Variants in ANKS1A observed in about 807,000 individuals in gnomAD.
ANKS1A encodes the protein ankyrin repeat and SAM domain-containing protein 1A.
ANKS1A carries 55 observed loss-of-function variants against 120.3 expected under a neutral mutation model. The ratio of observed to expected loss-of-function variants is 0.46; its 90% confidence interval spans 0.37 to 0.57. The LOEUF (loss-of-function observed/expected upper bound fraction) is 0.57, where lower values mean the gene tolerates loss of function less well. Ranked by LOEUF, ANKS1A falls within the 20% of genes least tolerant of loss-of-function variation. The pLI, the probability that ANKS1A is intolerant of heterozygous loss-of-function variation, is 0.00. For synonymous variants in ANKS1A, 590 were observed against 604.7 expected (o/e 0.98, Z 0.36); for missense variants, 1,123 against 1,480.3 (o/e 0.76, Z 3.96).
At chr6:35,007,526 T>A (rs1773526952) in intron 10 of ANKS1A, among the ~76,000 whole-genome samples, 2 of 152,248 alleles carry the variant, frequency 1.3e-5, no homozygotes, top group Admixed American at 6.5e-5. Context: ...TGTTTAACTC[T>A]TTGCTCGCTG....
At chr6:34,991,822 G>A (rs1481735565) in intron 9 of ANKS1A, among the ~76,000 whole-genome samples, 1 of 136,358 alleles carries the variant, frequency 7.3e-6, no homozygotes, top group Non-Finnish European at 1.6e-5. Flanking sequence ...ATATATATAT[G>A]GCTTTGATTT....
intron 1 of ANKS1A, among the ~76,000 whole-genome samples, chr6:34,936,975 C>T (rs1357391511): frequency 2.6e-5 from 4 of 152,164 alleles, no homozygotes; most frequent in African/African-American, 9.7e-5. Flanking sequence ...GGACCTTGAT[C>T]TCAAGAGGCT....
chr6:35,075,986 C>A (rs1294639986), intron 13 of ANKS1A, among the ~76,000 whole-genome samples: 1 of 152,196 alleles, frequency 6.6e-6, no homozygotes, highest in Non-Finnish European at 1.5e-5. Context: ...CCTCAAACTC[C>A]TGGGCTCAAG....
intron 11 of ANKS1A, among the ~76,000 whole-genome samples, chr6:35,029,057 T>TTA (rs942150648): frequency 1.3e-5 from 2 of 151,994 alleles, no homozygotes; most frequent in Non-Finnish European, 2.9e-5. Flanking sequence ...TAATGTTATC[T>TTA]TATCTTGGGT....
At chr6:35,088,539 T>C in intron 23 of ANKS1A, 67 bp from the exon 24 acceptor site, 1 of 1,598,120 alleles carries the variant, frequency 6.3e-7, no homozygotes, top group Non-Finnish European at 8.6e-7. Flanking sequence ...TTCCTTTCCA[T>C]TTCCTCCACC....
Position 35,083,199 on chromosome 6 carries a change from C to A in ANKS1A, c.2880C>A (p.Ser960=). ...TCAAAGATCTGCGAGGGACAGAATC[C>A]ACGCAAGACGCCTGTGCCAAGATGC... ...MLIKDLRGTE[S]TQDACAKMRK... is the part of the protein sequence containing the mutation. The change falls in exon 19 of 24, where the codon TCC becomes TCA. Residue 960 remains serine (S), a synonymous_variant. Transcript: ENST00000360359. 1 of 1,614,126 alleles carries A rather than the reference C, an allele frequency of 6.2e-7. No individual in the cohort carries two copies. The highest frequency in any genetic ancestry group is 1.1e-5 in the South Asian group (1 of 91,068).
chr6:34,982,128 A>G lies in ANKS1A; in HGVS notation c.732+142A>G. The G allele has an allele frequency of 3.8e-6, 4 of 1,062,826 alleles. No individual in the cohort carries two copies. Among genetic ancestry groups the G allele is most frequent in the Non-Finnish European group, 5.3e-6 (4 of 753,726 alleles). The allele number at this position is 1,062,826 out of a possible 1,614,324, so 65.8% of individuals were successfully genotyped here. On this transcript the variant is annotated intron_variant, in intron 4 of 23. Transcript: ENST00000360359. This position sits in a 1 kb window ranked among gnomAD's most constrained non-coding sequence, Gnocchi z 4.9. ...AAATGCTTATTTGCCGACTCATTCT[A>G]ATGTGACACTAAGAAACAAATGAAC...
rs1776413560 is a variant in ANKS1A at position 35,060,095 on chromosome 6, C to T, written c.2078-52C>T. 1.9e-5 allele frequency: 28 copies of T among 1,478,746 alleles called. No individual in the cohort carries two copies. Among genetic ancestry groups the T allele is most frequent in the South Asian group, 2.4e-5 (2 of 84,416 alleles). 91.6% of individuals were successfully genotyped at this position (1,478,746 alleles called of 1,614,324 possible). Reference sequence around the variant, plus strand: ...ATCTTCCTCTGAGTGCCGCTGCTACCGCCTTAATGGTTTTTCCCTTTTCAA... The same window carrying T: ...ATCTTCCTCTGAGTGCCGCTGCTACTGCCTTAATGGTTTTTCCCTTTTCAA... On this transcript the variant is annotated intron_variant, in intron 12 of 23. Transcript: ENST00000360359. This position sits in a 1 kb window ranked among gnomAD's most constrained non-coding sequence, Gnocchi z 4.5.
At chr6:34,912,821 T>C (rs1460411818) in intron 1 of ANKS1A, among the ~76,000 whole-genome samples, 1 of 152,148 alleles carries the variant, frequency 6.6e-6, no homozygotes, top group Non-Finnish European at 1.5e-5. Context: ...TGACTGGCTT[T>C]TGTGTATTTG....
chr6:34,905,622 C>G (rs1767614462), intron 1 of ANKS1A, among the ~76,000 whole-genome samples: 1 of 152,200 alleles, frequency 6.6e-6, no homozygotes, highest in Non-Finnish European at 1.5e-5. Flanking sequence ...TAAGAGAGAG[C>G]TTAACTGACT....
intron 11 of ANKS1A, among the ~76,000 whole-genome samples, chr6:35,022,125 G>A (rs1460274297): frequency 1.3e-5 from 2 of 152,176 alleles, no homozygotes; most frequent in African/African-American, 4.8e-5. Context: ...GCAGGGATGG[G>A]AGAGCCCACC....
chr6:35,082,847 G>A lies in ANKS1A; in HGVS notation c.2835+31G>A, dbSNP rs367940164. ...TTGCTCCCACCCTCCCAGCAGGGCC[G>A]GCCTCCCTGCTCCTTCTCGGCCAGG... On this transcript the variant is annotated intron_variant, in intron 18 of 23. Transcript: ENST00000360359. The surrounding 1 kb of genome is among the most constrained non-coding windows in gnomAD (Gnocchi z 4.1). 41 of 1,596,652 alleles carry A rather than the reference G, an allele frequency of 2.6e-5. No homozygotes were observed. The highest frequency in any genetic ancestry group is 3.0e-5 in the Non-Finnish European group (35 of 1,171,468).
chr6:35,059,288 C>T (rs182585121), intron 12 of ANKS1A, among the ~76,000 whole-genome samples: 34 of 152,362 alleles, frequency 2.2e-4, no homozygotes, highest in Non-Finnish European at 1.5e-5. Context: ...GGATCGGGCT[C>T]CTGGCCCACT....
intron 10 of ANKS1A, among the ~76,000 whole-genome samples, chr6:35,006,135 C>T (rs1188323525): frequency 1.3e-5 from 2 of 148,964 alleles, no homozygotes; most frequent in South Asian, 2.1e-4. Flanking sequence ...TTGCAGTGAG[C>T]CAAGATCACT....
At chr6:35,000,559 ATAAAT>A (rs889378437) in intron 10 of ANKS1A, among the ~76,000 whole-genome samples, 8 of 152,274 alleles carry the variant, frequency 5.3e-5, no homozygotes, top group African/African-American at 1.2e-4. Context: ...TTGTCCTGAA[ATAAAT>A]TAACCGGTTG....
intron 1 of ANKS1A, among the ~76,000 whole-genome samples, chr6:34,931,828 A>T (rs1198739590): frequency 1.3e-5 from 2 of 152,228 alleles, no homozygotes; most frequent in African/African-American, 4.8e-5. Context: ...TCTGTGAAGG[A>T]CACTTGCAGA....
intron 1 of ANKS1A, among the ~76,000 whole-genome samples, chr6:34,906,923 A>T (rs376007037): frequency 1.3e-5 from 2 of 152,146 alleles, no homozygotes; most frequent in African/African-American, 4.8e-5. Context: ...ATAGTGGGAA[A>T]ATCTGGTAGC....
intron 14 of ANKS1A, 36 bp downstream of exon 14, chr6:35,078,692 G>A (rs369352848): frequency 3.7e-5 from 58 of 1,588,376 alleles, no homozygotes; most frequent in Middle Eastern, 3.3e-4. Flanking sequence ...CAGCCCGTGC[G>A]GAGCCAGGGC....
chr6:34,917,737 C>T (rs1225170898), intron 1 of ANKS1A, among the ~76,000 whole-genome samples: 2 of 152,174 alleles, frequency 1.3e-5, no homozygotes, highest in Non-Finnish European at 2.9e-5. Flanking sequence ...GACCTAAGAC[C>T]CGAAGGCCTA....
Sources: gnomAD v4.1 joint callset for allele counts (sites outside exome capture counted in the v4.1 genomes callset) on GRCh38, gnomAD v4.1.1 for gene constraint, Gnocchi (gnomAD v3.1) non-coding constraint, MANE v1.5 for transcripts, NCBI Gene and HGNC (gene_info 2026-07-23, HGNC 2026-07-21) for gene names.